Variants in TMEM41A observed in about 807,000 individuals in gnomAD.
The protein encoded by TMEM41A is transmembrane protein 41A.
A neutral mutation model predicts 25.7 loss-of-function variants in TMEM41A; 20 were observed. That is an observed-to-expected ratio of 0.78 (90% confidence interval 0.55 to 1.13). The LOEUF (loss-of-function observed/expected upper bound fraction) is 1.13. Among genes scored for constraint, TMEM41A ranks in the 50% most tolerant of loss-of-function variants. The pLI is 0.00. For synonymous variants in TMEM41A, 133 were observed against 139.6 expected (o/e 0.95, Z 0.33); for missense variants, 299 against 314.3 (o/e 0.95, Z 0.37).
At chr3:185,494,334 G>A in intron 4 of TMEM41A, 1 of 290,278 alleles carries the variant, frequency 3.4e-6, no homozygotes, top group Non-Finnish European at 6.3e-6. Flanking sequence ...CTTACTATGG[G>A]CCAATTTGTA....
At chr3:185,491,928 TTTCCTCAC>T (rs1718970651) in intron 4 of TMEM41A, among the ~76,000 whole-genome samples, 171 bp from the exon 5 acceptor site, 1 of 152,194 alleles carries the variant, frequency 6.6e-6, no homozygotes, top group African/African-American at 2.4e-5. Flanking sequence ...TTTTCCCTCC[TTTCCTCAC>T]TTCCCATATA....
chr3:185,496,455 C>T, intron 2 of TMEM41A: 1 of 333,746 alleles, frequency 3.0e-6, no homozygotes, highest in Non-Finnish European at 5.9e-6. Context: ...CAGTTCAAGA[C>T]AGAAGACAGA....
In TMEM41A at chr3:185,494,650, C is replaced by T. The variant is rs562464015; in HGVS notation, c.547G>A (p.Val183Met). Residue 183 changes from valine (V) to methionine (M), a missense_variant, in exon 4 of 5, where the codon GTG becomes ATG. Coordinates refer to ENST00000421852, the MANE Select transcript of TMEM41A (RefSeq NM_080652.4). ...LSAPILNIPIVQFFFSVLIGL... is the reference protein window; with the variant it reads ...LSAPILNIPIMQFFFSVLIGL... Reference sequence around the variant, plus strand: ...ATAAGAACTGAGAAGAAGAACTGCACGATGGGAATGTTCAGAATTGGGGCC... The same window carrying T: ...ATAAGAACTGAGAAGAAGAACTGCATGATGGGAATGTTCAGAATTGGGGCC... 86 of 1,609,940 alleles carry T rather than the reference C, an allele frequency of 5.3e-5. No individual in the cohort carries two copies. In the Middle Eastern group the frequency reaches 6.6e-4, roughly 12 times the overall value.
In TMEM41A at chr3:185,495,031, C is replaced by T. The variant is rs1025563225; in HGVS notation, c.435+123G>A. ...TCTCCTGAAGACATCAAAAGAACCC[C>T]TAGGACCTCCTGAAACAGCGTGGAA... On this transcript the variant is annotated intron_variant, in intron 3 of 4. Coordinates refer to ENST00000421852, the MANE Select transcript of TMEM41A (RefSeq NM_080652.4). 4 of 1,247,746 alleles carry T rather than the reference C, an allele frequency of 3.2e-6. No homozygotes were observed. In the Admixed American group the frequency reaches 6.0e-5, roughly 19 times the overall value. 77.3% of individuals were successfully genotyped at this position (1,247,746 alleles called of 1,614,324 possible).
At chr3:185,498,820 G>A in intron 1 of TMEM41A, 23 bp downstream of exon 1, 2 of 1,556,118 alleles carry the variant, frequency 1.3e-6, no homozygotes, top group Non-Finnish European at 1.7e-6. Context: ...CCTCTGACCC[G>A]AACCCGGATT....
rs549307295 is a variant in TMEM41A, at chr3:185,495,223, G to C, written c.366C>G (p.Leu122=). Reference sequence around the variant, plus strand: ...CCAACTGTTTGCCAAAAATACTGGAGAGCAGGTAGCAGCATGTGGCACCCA... The same window carrying C: ...CCAACTGTTTGCCAAAAATACTGGACAGCAGGTAGCAGCATGTGGCACCCA... The part of the protein sequence containing the change: ...TSVGATCCYL[L]SSIFGKQLVV... Residue 122 remains leucine, a synonymous_variant, in exon 3 of 5, where the codon CTC becomes CTG. Coordinates refer to ENST00000421852, the MANE Select transcript of TMEM41A (RefSeq NM_080652.4). The C allele has an allele frequency of 6.2e-7, 1 of 1,613,682 alleles. No homozygotes were observed. The highest frequency in any genetic ancestry group is 1.3e-5 in the African/African-American group (1 of 74,922).
intron 1 of TMEM41A, 83 bp downstream of exon 1, chr3:185,498,760 A>T: frequency 9.8e-7 from 1 of 1,021,742 alleles, no homozygotes; most frequent in Non-Finnish European, 1.4e-6. Flanking sequence ...CCGGAACCCG[A>T]ATCTCCGAAT....
rs1718955811 is a variant in TMEM41A, at chr3:185,491,663, A to T, written c.669T>A (p.Phe223Leu). 1 of 1,614,100 alleles carries T rather than the reference A, an allele frequency of 6.2e-7. No homozygotes were observed. The highest frequency in any genetic ancestry group is 1.3e-5 in the African/African-American group (1 of 74,930). Residue 223 changes from phenylalanine to leucine, a missense_variant, in exon 5 of 5, where the codon TTT (phenylalanine) becomes TTA (leucine). By Grantham distance (22) the Phe-to-Leu change is conservative. Transcript: ENST00000421852. ...LDALFSWDTV[F>L]KLLAIAMVAL... Reference sequence around the variant, plus strand: ...CCACCATGGCAATGGCCAACAGCTTAAAGACAGTGTCCCAGGAGAAAAGAG... The same window carrying T: ...CCACCATGGCAATGGCCAACAGCTTTAAGACAGTGTCCCAGGAGAAAAGAG...
rs1463210235 is a variant in TMEM41A, at chr3:185,490,994, TC to T, written c.*542del. 2.6e-5 allele frequency: 3 copies of T among 114,664 alleles called. No individual in the cohort carries two copies. Among genetic ancestry groups the T allele is most frequent in the African/African-American group, 9.8e-5 (3 of 30,584 alleles). 7.1% of individuals were successfully genotyped at this position (114,664 alleles called of 1,614,324 possible). ...ATACAAACAGCATTTTCTTTTTTTC[TC>T]TTTTTTTTTTTTTTTTTGTCAAGAC... On this transcript the variant is annotated 3_prime_UTR_variant, in exon 5 of 5. Coordinates refer to ENST00000421852, the MANE Select transcript of TMEM41A (RefSeq NM_080652.4).
At chr3:185,494,925 C>T in intron 3 of TMEM41A, 164 bp from the exon 4 acceptor site, 2 of 1,019,626 alleles carry the variant, frequency 2.0e-6, no homozygotes, top group Non-Finnish European at 2.8e-6. Flanking sequence ...AATAGACATG[C>T]TGAGGATCAG....
Position 185,495,162 on chromosome 3 carries a change from G to A in TMEM41A, c.427C>T (p.Gln143Ter). Residue 143 changes from glutamine to a stop codon, truncating the protein, a stop_gained, in exon 3 of 5, where the codon CAG (glutamine) becomes TAG (stop). Coordinates refer to ENST00000421852, the MANE Select transcript of TMEM41A (RefSeq NM_080652.4). LOFTEE classifies it high-confidence loss of function. ...SYFPDKVALLQRKVEENRNSL... is the reference protein window; with the variant it reads ...SYFPDKVALL ...GTGACCCCTCCCCTTACCTTTCTCT[G>A]CAGCAGGGCCACTTTATCAGGAAAG... 1 of 1,613,586 alleles carries A rather than the reference G, an allele frequency of 6.2e-7. No individual in the cohort carries two copies. The highest frequency in any genetic ancestry group is 8.5e-7 in the Non-Finnish European group (1 of 1,179,994).
chr3:185,495,395 G>C, intron 2 of TMEM41A, 80 bp from the exon 3 acceptor site: 1 of 1,388,804 alleles, frequency 7.2e-7, no homozygotes, highest in Non-Finnish European at 9.8e-7. Context: ...AGAGTCATAG[G>C]TTCCCTCCTC....
Position 185,498,957 on chromosome 3 carries a change from C to CG in TMEM41A, c.4dup (p.Arg2ProfsTer55). ...GACCAGAAGGAGGCCGAGAAGCGGG[C>CG]GCATGTCGGCTCCGCACCCCGGCCC... On this transcript the variant is annotated frameshift_variant, in exon 1 of 5. Coordinates refer to ENST00000421852, the MANE Select transcript of TMEM41A (RefSeq NM_080652.4). 6.3e-7 allele frequency: 1 copy of CG among 1,598,206 alleles called. No individual in the cohort carries two copies. Among genetic ancestry groups the CG allele is most frequent in the Non-Finnish European group, 8.5e-7 (1 of 1,173,506 alleles).
chr3:185,498,067 G>T (rs1263377223), intron 1 of TMEM41A, among the ~76,000 whole-genome samples: 1 of 149,276 alleles, frequency 6.7e-6, no homozygotes, highest in Non-Finnish European at 1.5e-5. Context: ...GACCAGCCTG[G>T]CCAACATAAT....
chr3:185,494,886 C>T lies in TMEM41A; in HGVS notation c.436-125G>A, dbSNP rs9842763. ...TGTTCCCAATTCTTCCAACAACCCTCCAGGGAAAGACTGTTTTCCTCATTT... is the reference window on the plus strand; with the variant it reads ...TGTTCCCAATTCTTCCAACAACCCTTCAGGGAAAGACTGTTTTCCTCATTT... On this transcript the variant is annotated intron_variant, in intron 3 of 4. Coordinates refer to ENST00000421852, the MANE Select transcript of TMEM41A (RefSeq NM_080652.4). 2.1e-3 allele frequency: 2,530 copies of T among 1,223,168 alleles called. 47 individuals are homozygous for T. The African/African-American group carries it at 0.034, about 16-fold the overall frequency. 75.8% of individuals were successfully genotyped at this position (1,223,168 alleles called of 1,614,324 possible).
At chr3:185,495,689 A>G (rs1032454954) in intron 2 of TMEM41A, 2 of 198,922 alleles carry the variant, frequency 1.0e-5, no homozygotes. Context: ...TGATCCTCCC[A>G]CCTCAGCCTC....
chr3:185,491,784 T>C, intron 4 of TMEM41A, 27 bp from the exon 5 acceptor site: 3 of 1,532,030 alleles, frequency 2.0e-6, no homozygotes, highest in East Asian at 2.3e-5. Flanking sequence ...ACAAAGCACC[T>C]GTTACAAGCA....
In TMEM41A at chr3:185,494,611, C is replaced by T. The variant is rs1719046053; in HGVS notation, c.574+12G>A. 6.3e-7 allele frequency: 1 copy of T among 1,584,572 alleles called. No homozygotes were observed. The highest frequency in any genetic ancestry group is 1.4e-5 in the African/African-American group (1 of 73,344). On this transcript the variant is annotated intron_variant, in intron 4 of 4. Transcript: ENST00000421852. The stretch of plus-strand genomic sequence containing the variant: ...GCTCTGAAGACTCAAACCTACCCCA[C>T]TAGCATCTTACCGATAAGAACTGAG...
chr3:185,497,549 T>C (rs1719139587), intron 1 of TMEM41A, among the ~76,000 whole-genome samples: 1 of 152,260 alleles, frequency 6.6e-6, no homozygotes, highest in African/African-American at 2.4e-5. Flanking sequence ...TTTTTGATAA[T>C]ATGTCAGGCT....
Sources: gnomAD v4.1 joint callset for allele counts (sites outside exome capture counted in the v4.1 genomes callset) on GRCh38, gnomAD v4.1.1 for gene constraint, MANE v1.5 for transcripts, NCBI Gene and HGNC (gene_info 2026-07-23, HGNC 2026-07-21) for gene names.